NRXN1: variants seen among roughly 807,000 people sequenced by gnomAD.
NRXN1 encodes the protein neurexin 1.
Under a neutral mutation model 150.9 loss-of-function variants are expected in NRXN1, and 39 were observed. The observed-to-expected ratio is 0.26, with a 90% CI of 0.20 to 0.34. The LOEUF is 0.34. Among genes scored for constraint, NRXN1 ranks in the 10% least tolerant of loss-of-function variants. The pLI is 1.00. For missense variants in NRXN1, 1,815 were observed against 1,949.9 expected (o/e 0.93, Z 1.30); for synonymous variants, 924 against 757.0 (o/e 1.22, Z -3.62).
intron 5 of NRXN1, among the ~76,000 whole-genome samples, chr2:50,655,409 A>G (rs1686281323): frequency 6.6e-6 from 1 of 152,014 alleles, no homozygotes; most frequent in Non-Finnish European, 1.5e-5. Flanking sequence ...GCCTAGGAAT[A>G]AGAATATATA....
chr2:50,739,562 T>C (rs1289905234), intron 5 of NRXN1, among the ~76,000 whole-genome samples: 2 of 152,190 alleles, frequency 1.3e-5, no homozygotes, highest in Non-Finnish European at 2.9e-5. Flanking sequence ...ATATCCTGCA[T>C]TATCAGACCT....
rs17040071 is a variant in NRXN1 at position 50,163,905 on chromosome 2, C to A, written c.3547-72411G>T. Among the ~76,000 whole-genome samples the A allele has an allele frequency of 4.6e-5, 7 of 152,254 alleles. No homozygotes were observed. In the South Asian group the frequency reaches 1.5e-3, roughly 32 times the overall value. On this transcript the variant is annotated intron_variant, in intron 18 of 22. Transcript: ENST00000401669. ...CTATACTTTATCTTATTGCAACTACCACTTTGAGCTAAGTACACAGAGCTT... is the reference window on the plus strand; with the variant it reads ...CTATACTTTATCTTATTGCAACTACAACTTTGAGCTAAGTACACAGAGCTT...
At position 50,248,474 on chromosome 2, in the gene NRXN1, C is replaced by G. The variant is rs116473145; in HGVS notation, c.3365-11504G>C. Among the ~76,000 whole-genome samples, 725 of 152,170 alleles carry G rather than the reference C, an allele frequency of 4.8e-3. 7 individuals carry two copies. The highest frequency in any genetic ancestry group is 0.016 in the African/African-American group (685 of 41,538). ...AGAAGACATTTAACTTTTGTTCTAC[C>G]TAATAAATTTGCTTAACGCAGAGCT... On this transcript the variant is annotated intron_variant, in intron 17 of 22. Transcript: ENST00000401669.
At chr2:50,238,152 T>G (rs1483687166) in intron 17 of NRXN1, among the ~76,000 whole-genome samples, 5 of 151,984 alleles carry the variant, frequency 3.3e-5, no homozygotes, top group Non-Finnish European at 7.4e-5. Flanking sequence ...AATAGAGCAT[T>G]TGGTGCACTA....
At chr2:50,084,452 G>A (rs566411885) in intron 19 of NRXN1, among the ~76,000 whole-genome samples, 2 of 152,310 alleles carry the variant, frequency 1.3e-5, no homozygotes, top group South Asian at 4.1e-4. Context: ...GCTGGCCCTG[G>A]TGCTAAGCCC....
intron 5 of NRXN1, chr2:50,918,605 A>T: frequency 2.7e-6 from 1 of 373,396 alleles, no homozygotes; most frequent in Non-Finnish European, 4.8e-6. Context: ...CTTTTTTGTA[A>T]TTTAAATAGT....
At chr2:50,928,000 C>G (rs114875763) in intron 2 of NRXN1, among the ~76,000 whole-genome samples, 1 of 151,928 alleles carries the variant, frequency 6.6e-6, no homozygotes, top group African/African-American at 2.4e-5. Flanking sequence ...TCAGTCCTGA[C>G]GGCAAGTTCT....
intron 21 of NRXN1, among the ~76,000 whole-genome samples, chr2:50,005,608 A>G (rs1684634823): frequency 6.6e-6 from 1 of 152,144 alleles, no homozygotes. Context: ...ACTACTAAAA[A>G]CAAAACAAAA....
At chr2:50,206,497 T>C (rs747151759) in intron 18 of NRXN1, among the ~76,000 whole-genome samples, 49 of 152,012 alleles carry the variant, frequency 3.2e-4, no homozygotes, top group Non-Finnish European at 7.1e-4. Context: ...TTATATCCCT[T>C]TGGAGAGCCT....
chr2:49,936,280 C>G (rs1671011731), intron 22 of NRXN1, among the ~76,000 whole-genome samples: 1 of 152,166 alleles, frequency 6.6e-6, no homozygotes, highest in African/African-American at 2.4e-5. Flanking sequence ...TGTCTAATAC[C>G]TAAAGAGACT....
intron 5 of NRXN1, among the ~76,000 whole-genome samples, chr2:50,776,857 A>G (rs1157789720): frequency 2.0e-5 from 3 of 152,034 alleles, no homozygotes; most frequent in Non-Finnish European, 2.9e-5. Context: ...TCAATATCCA[A>G]TATTCTGAAG....
At chr2:50,771,358 T>C (rs1702992770) in intron 5 of NRXN1, among the ~76,000 whole-genome samples, 1 of 152,078 alleles carries the variant, frequency 6.6e-6, no homozygotes, top group Non-Finnish European at 1.5e-5. Context: ...TTCATTGCAA[T>C]TATCTTTGTC....
chr2:50,157,804 G>A (rs189569947), intron 18 of NRXN1, among the ~76,000 whole-genome samples: 115 of 152,014 alleles, frequency 7.6e-4, no homozygotes, highest in African/African-American at 2.6e-3. Context: ...GGATTTCCAA[G>A]GAAAACACTC....
chr2:50,623,282 G>C, intron 6 of NRXN1, 32 bp downstream of exon 6: 1 of 1,575,126 alleles, frequency 6.3e-7, no homozygotes, highest in Non-Finnish European at 8.7e-7. Flanking sequence ...GAGAAACAAA[G>C]CCAGTTACTC....
At chr2:50,332,268 G>A (rs1223124916) in intron 17 of NRXN1, among the ~76,000 whole-genome samples, 1 of 152,150 alleles carries the variant, frequency 6.6e-6, no homozygotes, top group Non-Finnish European at 1.5e-5. Context: ...GCTTCTGTGT[G>A]AGTAGAAGAG....
chr2:50,918,521 G>C (rs888242942), intron 5 of NRXN1: 4 of 365,630 alleles, frequency 1.1e-5, no homozygotes, highest in African/African-American at 2.1e-5. Context: ...AACATTCGCT[G>C]ATAATTATTA....
At chr2:50,884,546 T>A (rs540744362) in intron 5 of NRXN1, among the ~76,000 whole-genome samples, 9 of 151,748 alleles carry the variant, frequency 5.9e-5, no homozygotes, top group Non-Finnish European at 1.2e-4. Context: ...TTACTAGAGA[T>A]CATGTATTCA....
At chr2:50,819,389 C>A (rs1669388447) in intron 5 of NRXN1, among the ~76,000 whole-genome samples, 1 of 152,072 alleles carries the variant, frequency 6.6e-6, no homozygotes, top group Non-Finnish European at 1.5e-5. Context: ...ACAACATAAA[C>A]CTTGAGGATA....
At chr2:50,992,788 C>T (rs1407976676) in intron 2 of NRXN1, among the ~76,000 whole-genome samples, 1 of 151,744 alleles carries the variant, frequency 6.6e-6, no homozygotes, top group Non-Finnish European at 1.5e-5. Context: ...TTTAGTGATG[C>T]ATGGGGAGAG....
Sources: gnomAD v4.1 joint callset for allele counts (sites outside exome capture counted in the v4.1 genomes callset) on GRCh38, gnomAD v4.1.1 for gene constraint, MANE v1.5 for transcripts, NCBI Gene and HGNC (gene_info 2026-07-23, HGNC 2026-07-21) for gene names.